Variants in ASB5 observed in about 807,000 individuals in gnomAD.
ASB5 encodes ankyrin repeat and SOCS box protein 5.
Under a neutral mutation model 42.1 loss-of-function variants are expected in ASB5, and 45 were observed. The ratio of observed to expected loss-of-function variants is 1.07; its 90% CI spans 0.84 to 1.37. ASB5 has a LOEUF of 1.37. Ranked by LOEUF, ASB5 falls within the 40% of genes most tolerant of loss-of-function variation. The pLI, the probability that ASB5 is intolerant of heterozygous loss-of-function variation, is 0.00. For missense variants in ASB5, 402 were observed against 399.8 expected, an observed-to-expected ratio of 1.01 and a Z score of -0.05; for synonymous variants, 147 against 150.6, an observed-to-expected ratio of 0.98 and a Z score of 0.18.
rs1341721170 is a variant in ASB5 at position 176,216,853 on chromosome 4, C to T, written c.827G>A (p.Ser276Asn). The change falls in exon 6 of 7, where the codon AGC (serine) becomes AAC (asparagine). Residue 276 changes from serine (S) to asparagine (N), a missense_variant. Transcript: ENST00000296525. Reference sequence around the variant, plus strand: ...AAGCAATATCCTTTCCACCATACTGCTAGACGTAGCTACATCTATAGGTCG... The same window carrying T: ...AAGCAATATCCTTTCCACCATACTGTTAGACGTAGCTACATCTATAGGTCG... ...LLRPIDVATS[S>N]SMVERILLQH... 6.2e-7 allele frequency: 1 copy of T among 1,610,962 alleles called. No individual in the cohort carries two copies. Among genetic ancestry groups the T allele is most frequent in the East Asian group, 2.2e-5 (1 of 44,826 alleles).
chr4:176,215,840 T>A, intron 6 of ASB5, 113 bp from the exon 7 acceptor site: 1 of 981,764 alleles, frequency 1.0e-6, no homozygotes. Flanking sequence ...AAACCTAGGA[T>A]AGCATGACCA....
chr4:176,221,365 T>C, intron 4 of ASB5, 76 bp from the exon 5 acceptor site: 1 of 1,596,624 alleles, frequency 6.3e-7, no homozygotes, highest in Non-Finnish European at 8.5e-7. Flanking sequence ...TCCCTTGTGG[T>C]GTCATTCATT....
intron 1 of ASB5, among the ~76,000 whole-genome samples, chr4:176,257,794 G>GA (rs907431541): frequency 7.4e-4 from 112 of 152,292 alleles, no homozygotes; most frequent in African/African-American, 2.3e-3. Context: ...CCATGGAGTG[G>GA]AAGAGGAATC....
At chr4:176,227,802 T>C (rs1219867969) in intron 1 of ASB5, among the ~76,000 whole-genome samples, 1 of 152,178 alleles carries the variant, frequency 6.6e-6, no homozygotes, top group African/African-American at 2.4e-5. Flanking sequence ...ACACACACTC[T>C]CTCTCATGCA....
chr4:176,262,407 A>T (rs533872497), intron 1 of ASB5, among the ~76,000 whole-genome samples: 2 of 152,310 alleles, frequency 1.3e-5, no homozygotes, highest in Admixed American at 6.5e-5. Flanking sequence ...GAAGTGAAAA[A>T]GTTGGTAGGA....
In ASB5 at chr4:176,268,985, A is replaced by G. The variant is rs756339962; in HGVS notation, c.124T>C (p.Tyr42His). The change falls in exon 1 of 7, where the codon TAC (tyrosine) becomes CAC (histidine). Residue 42 changes from tyrosine to histidine, a missense_variant. By Grantham distance (83) the Tyr-to-His change is moderately conservative. Transcript: ENST00000296525. ...TCCTTGCGGTTGCCTTTCACTATGT[A>G]GAAATGACTGAGGATGGCAAGGCTG... ...KISLAILSHF[Y>H]IVKGNRKEAA... The G allele has an allele frequency of 3.7e-6, 6 of 1,613,570 alleles. No homozygotes were observed. Among genetic ancestry groups the G allele is most frequent in the South Asian group, 2.2e-5 (2 of 91,046 alleles).
chr4:176,272,694 A>T (rs1754490778), upstream of ASB5, among the ~76,000 whole-genome samples: 1 of 152,124 alleles, frequency 6.6e-6, no homozygotes, highest in Admixed American at 6.6e-5. Context: ...ACTTTGCTTC[A>T]TGTCACTCAG....
chr4:176,220,786 T>C (rs1440841829), intron 5 of ASB5, among the ~76,000 whole-genome samples: 3 of 152,210 alleles, frequency 2.0e-5, no homozygotes, highest in African/African-American at 7.2e-5. Context: ...TTTCTTTTGA[T>C]GGATTTGTTC....
chr4:176,224,653 G>A (rs1753324459), intron 2 of ASB5, among the ~76,000 whole-genome samples: 2 of 152,002 alleles, frequency 1.3e-5, no homozygotes, highest in African/African-American at 2.4e-5. Context: ...AATCACAAGC[G>A]TGAGCCATTG....
chr4:176,271,118 T>A (rs1055308888), upstream of ASB5, among the ~76,000 whole-genome samples: 2 of 152,212 alleles, frequency 1.3e-5, no homozygotes, highest in Non-Finnish European at 2.9e-5. Context: ...AACTACAGTA[T>A]AATATTTAGG....
intron 1 of ASB5, among the ~76,000 whole-genome samples, chr4:176,233,562 T>C (rs1753607085): frequency 6.6e-6 from 1 of 152,226 alleles, no homozygotes; most frequent in Non-Finnish European, 1.5e-5. Flanking sequence ...GTCTCAAATT[T>C]AACCGCAATA....
chr4:176,246,130 A>C (rs1340396778), intron 1 of ASB5, among the ~76,000 whole-genome samples: 1 of 152,228 alleles, frequency 6.6e-6, no homozygotes, highest in African/African-American at 2.4e-5. Context: ...AACTTAGGCT[A>C]ATTAGAACTT....
intron 1 of ASB5, among the ~76,000 whole-genome samples, chr4:176,244,961 C>A (rs1448422520): frequency 4.0e-5 from 6 of 151,488 alleles, no homozygotes; most frequent in Non-Finnish European, 8.8e-5. Flanking sequence ...CCTATCTCAA[C>A]AACAACAGCA....
At chr4:176,275,747 A>G (rs1443480660) in intron 2 of ASB5, 2 of 152,224 alleles carry the variant, frequency 1.3e-5, no homozygotes, top group East Asian at 3.9e-4. Context: ...CTAGTCATGC[A>G]CTAGCTGGTA....
chr4:176,222,476 T>C, intron 2 of ASB5, 56 bp from the exon 3 acceptor site: 1 of 1,383,390 alleles, frequency 7.2e-7, no homozygotes, highest in Non-Finnish European at 1.0e-6. Flanking sequence ...TAAAAAATCA[T>C]CTATATGGAT....
intron 1 of ASB5, among the ~76,000 whole-genome samples, chr4:176,231,205 C>T (rs886857514): frequency 1.4e-5 from 2 of 147,772 alleles, no homozygotes; most frequent in African/African-American, 5.0e-5. Context: ...CAGCCACTGT[C>T]GAGGTAAATC....
At chr4:176,247,042 G>A (rs531643671) in intron 1 of ASB5, among the ~76,000 whole-genome samples, 7 of 152,170 alleles carry the variant, frequency 4.6e-5, no homozygotes, top group African/African-American at 1.7e-4. Context: ...ATTTCTCTCT[G>A]CCCTTGACAA....
chr4:176,272,557 CA>C (rs1754488494), upstream of ASB5, among the ~76,000 whole-genome samples: 1 of 152,142 alleles, frequency 6.6e-6, no homozygotes, highest in Non-Finnish European at 1.5e-5. Context: ...CACCTCCATG[CA>C]GGTATCAGAG....
chr4:176,236,085 G>T (rs527917090), intron 1 of ASB5, among the ~76,000 whole-genome samples: 1 of 152,066 alleles, frequency 6.6e-6, no homozygotes, highest in Non-Finnish European at 1.5e-5. Flanking sequence ...GACATAAAAC[G>T]ATAGCTTATT....
Sources: allele counts gnomAD v4.1 joint callset (sites outside exome capture counted in the v4.1 genomes callset), GRCh38; gene constraint gnomAD v4.1.1; transcripts MANE v1.5; gene names NCBI Gene and HGNC (gene_info 2026-07-23, HGNC 2026-07-21).